GATAD2B: variants seen among roughly 807,000 people sequenced by gnomAD.
The protein encoded by GATAD2B is transcriptional repressor p66-beta.
In GATAD2B, 8 loss-of-function variants were observed where a neutral mutation model predicts 64.3. The ratio of observed to expected loss-of-function variants is 0.12; its 90% CI spans 0.07 to 0.22. The LOEUF (loss-of-function observed/expected upper bound fraction) is 0.22. GATAD2B is among the 10% of genes least tolerant of loss of function. GATAD2B has a pLI of 1.00. For synonymous variants in GATAD2B, 281 were observed against 271.3 expected (o/e 1.04, Z -0.35); for missense variants, 453 against 752.0 (o/e 0.60, Z 4.65).
intron 1 of GATAD2B, among the ~76,000 whole-genome samples, chr1:153,915,670 G>A (rs996514329): frequency 6.6e-6 from 1 of 150,544 alleles, no homozygotes; most frequent in East Asian, 2.0e-4. Flanking sequence ...AGGAGGTGGA[G>A]GTTGCAGTGA....
chr1:153,828,606 GC>G lies in GATAD2B; in HGVS notation c.-1-259del, dbSNP rs200673772. On this transcript the variant is annotated intron_variant, in intron 1 of 10. Transcript: ENST00000368655. ...TTTAAGTAAACTTAAATCTACATAA[GC>G]AAGGCCTGTTGACACGTGCCCTTAA... 5.3e-5 allele frequency among the ~76,000 whole-genome samples: 8 copies of G among 151,862 alleles called. No homozygotes were observed. The East Asian group carries it at 1.4e-3, about 26-fold the overall frequency.
intron 1 of GATAD2B, among the ~76,000 whole-genome samples, chr1:153,884,958 T>C (rs1303068149): frequency 1.3e-5 from 2 of 151,982 alleles, no homozygotes; most frequent in Non-Finnish European, 2.9e-5. Context: ...GGTTTCACCA[T>C]GTTGGCCAGG....
Position 153,922,761 on chromosome 1 carries a change from G to T in GATAD2B, c.-30C>A. 6.5e-6 allele frequency: 1 copy of T among 153,000 alleles called. No homozygotes were observed. The highest frequency in any genetic ancestry group is 1.5e-5 in the Non-Finnish European group (1 of 68,762). The allele number at this position is 153,000 out of a possible 1,614,324, so 9.5% of individuals were successfully genotyped here. ...GCGGTGGCGGTGTAACTCCCGGCTA[G>T]CTCGCCTCCTCAGGCGGCGGCGGAG... On this transcript the variant is annotated 5_prime_UTR_variant, in exon 1 of 11. Transcript: ENST00000368655.
At chr1:153,853,447 G>C in intron 1 of GATAD2B, 1 of 568,070 alleles carries the variant, frequency 1.8e-6, no homozygotes, top group Non-Finnish European at 3.2e-6. Flanking sequence ...ACGGACGGCA[G>C]TGAAGCGCCT....
At chr1:153,916,611 A>C (rs2101972775) in intron 1 of GATAD2B, among the ~76,000 whole-genome samples, 1 of 152,292 alleles carries the variant, frequency 6.6e-6, no homozygotes, top group South Asian at 2.1e-4. Context: ...TAATATATTG[A>C]ATATATATGA....
chr1:153,850,695 G>A (rs1017626211), intron 1 of GATAD2B, among the ~76,000 whole-genome samples: 7 of 152,030 alleles, frequency 4.6e-5, no homozygotes, highest in East Asian at 1.9e-4. Context: ...CTACGCAGGC[G>A]GATTGCTTGA....
At chr1:153,848,681 T>C (rs1463214515) in intron 1 of GATAD2B, among the ~76,000 whole-genome samples, 1 of 152,154 alleles carries the variant, frequency 6.6e-6, no homozygotes, top group Non-Finnish European at 1.5e-5. Flanking sequence ...CCATTATGCA[T>C]GGTGGCTAAC....
At chr1:153,866,436 C>T (rs976209723) in intron 1 of GATAD2B, among the ~76,000 whole-genome samples, 5 of 152,114 alleles carry the variant, frequency 3.3e-5, no homozygotes, top group East Asian at 1.9e-4. Context: ...GAATGAAAGA[C>T]GATTTGTCTT....
chr1:153,913,932 A>G (rs1678177883), intron 1 of GATAD2B, among the ~76,000 whole-genome samples: 1 of 148,062 alleles, frequency 6.8e-6, no homozygotes, highest in Non-Finnish European at 1.5e-5. Flanking sequence ...AAAAAAAAAA[A>G]GAAGAAAAAA....
At chr1:153,920,903 A>C (rs1678410340) in intron 1 of GATAD2B, among the ~76,000 whole-genome samples, 1 of 152,142 alleles carries the variant, frequency 6.6e-6, no homozygotes, top group African/African-American at 2.4e-5. Context: ...TATTCATATA[A>C]GCTATCTGCT....
chr1:153,840,206 G>C (rs1302327239), intron 1 of GATAD2B, among the ~76,000 whole-genome samples: 1 of 149,202 alleles, frequency 6.7e-6, no homozygotes, highest in South Asian at 2.1e-4. Context: ...CTAATTTTTT[G>C]TATTTTTAGT....
chr1:153,865,817 T>G (rs1159515279), intron 1 of GATAD2B, among the ~76,000 whole-genome samples: 1 of 151,942 alleles, frequency 6.6e-6, no homozygotes, highest in Non-Finnish European at 1.5e-5. Flanking sequence ...GAAAGAGCAA[T>G]GATTTAAACC....
intron 1 of GATAD2B, among the ~76,000 whole-genome samples, chr1:153,920,496 G>C (rs1048450303): frequency 6.6e-6 from 1 of 152,246 alleles, no homozygotes; most frequent in Non-Finnish European, 1.5e-5. Flanking sequence ...ATTTAGATTT[G>C]AAGGGCTGAT....
At chr1:153,846,130 C>A (rs975617747) in intron 1 of GATAD2B, among the ~76,000 whole-genome samples, 2 of 151,964 alleles carry the variant, frequency 1.3e-5, no homozygotes, top group African/African-American at 2.4e-5. Flanking sequence ...TCCATTAAAC[C>A]ATTTCTAAAA....
intron 1 of GATAD2B, among the ~76,000 whole-genome samples, chr1:153,847,307 T>C (rs1196187745): frequency 2.0e-5 from 3 of 152,220 alleles, no homozygotes; most frequent in African/African-American, 7.2e-5. Context: ...TGCAACATTG[T>C]ACTTAATTAT....
chr1:153,860,138 C>T (rs1676232495), intron 1 of GATAD2B, among the ~76,000 whole-genome samples: 1 of 151,896 alleles, frequency 6.6e-6, no homozygotes. Context: ...TGGTCTCGAA[C>T]TCCTGACCTC....
At chr1:153,859,404 T>A (rs1393244123) in intron 1 of GATAD2B, among the ~76,000 whole-genome samples, 1 of 148,424 alleles carries the variant, frequency 6.7e-6, no homozygotes. Context: ...GCGAGGCGGC[T>A]CATGCCTATA....
intron 1 of GATAD2B, among the ~76,000 whole-genome samples, chr1:153,845,393 A>G (rs201564764): frequency 3.1e-5 from 3 of 96,816 alleles, no homozygotes; most frequent in Admixed American, 1.1e-4. Flanking sequence ...TAAAAAAAAG[A>G]AAAAAAAAAA....
rs1415215304 is a variant in GATAD2B, at chr1:153,807,011, GGAGA to G, written c.*3162_*3165del. The G allele has an allele frequency of 1.3e-5, 2 of 152,116 alleles. No individual in the cohort carries two copies. The highest frequency in any genetic ancestry group is 1.3e-4 in the Admixed American group (2 of 15,276). 9.4% of individuals were successfully genotyped at this position (152,116 alleles called of 1,614,324 possible). A position where few individuals can be genotyped will look rare whatever the true frequency, so the allele number is the denominator to read the frequency against. ...AATGTGGGAAAAATACTTATTCCAG[GGAGA>G]GAGGGAGTTCAGATGCTGTGGTCAA... is the stretch of plus-strand genomic sequence containing the variant. On this transcript the variant is annotated 3_prime_UTR_variant, in exon 11 of 11. Transcript: ENST00000368655.
Sources: allele counts gnomAD v4.1 joint callset (sites outside exome capture counted in the v4.1 genomes callset), GRCh38; gene constraint gnomAD v4.1.1; transcripts MANE v1.5; gene names NCBI Gene and HGNC (gene_info 2026-07-23, HGNC 2026-07-21).